Variants in ASAP1 observed in about 807,000 individuals in gnomAD.
ASAP1 encodes arf-GAP with SH3 domain, ANK repeat and PH domain-containing protein 1.
A neutral mutation model predicts 145.2 loss-of-function variants in ASAP1; 43 were observed. The ratio of observed to expected loss-of-function variants is 0.30; its 90% CI spans 0.23 to 0.38. The LOEUF is 0.38. Ranked by LOEUF, ASAP1 falls within the 10% of genes least tolerant of loss-of-function variation. The pLI is 1.00. For synonymous variants in ASAP1, 546 were observed against 515.5 expected (o/e 1.06, Z -0.80); for missense variants, 1,018 against 1,355.3 (o/e 0.75, Z 3.91).
At chr8:130,072,820 T>C (rs867877492) in intron 27 of ASAP1, among the ~76,000 whole-genome samples, 2,857 of 22,072 alleles carry the variant, frequency 0.13, 276 homozygotes, top group East Asian at 0.48. Flanking sequence ...TGTGTGTGTG[T>C]GTGTGCGCGC....
intron 17 of ASAP1, 23 bp from the exon 18 acceptor site, chr8:130,124,127 C>A (rs752852370): frequency 4.0e-6 from 6 of 1,514,978 alleles, no homozygotes; most frequent in Non-Finnish European, 5.4e-6. Flanking sequence ...AAACAAACAA[C>A]CACAATATAG....
chr8:130,220,436 TTACCCTTGATCA>T (rs905933895), intron 4 of ASAP1, among the ~76,000 whole-genome samples: 2 of 152,144 alleles, frequency 1.3e-5, no homozygotes, highest in Non-Finnish European at 2.9e-5. Flanking sequence ...ATATAAACAC[TTACCCTTGATCA>T]TACAACTCAT....
At chr8:130,215,152 G>A (rs1326886710) in intron 4 of ASAP1, among the ~76,000 whole-genome samples, 2 of 151,918 alleles carry the variant, frequency 1.3e-5, no homozygotes, top group South Asian at 2.1e-4. Flanking sequence ...CGCCCACCTC[G>A]GCCTCCAAAA....
At chr8:130,411,011 C>T (rs1829243548) in intron 1 of ASAP1, among the ~76,000 whole-genome samples, 1 of 152,204 alleles carries the variant, frequency 6.6e-6, no homozygotes, top group Non-Finnish European at 1.5e-5. Flanking sequence ...CAGGCACCCA[C>T]CACCATGTCC....
intron 2 of ASAP1, among the ~76,000 whole-genome samples, chr8:130,365,336 C>T (rs568407353): frequency 1.7e-4 from 26 of 152,304 alleles, no homozygotes; most frequent in Admixed American, 1.7e-3. Context: ...TAGTTGGGGT[C>T]CCTTGTGGGC....
At chr8:130,275,131 T>G (rs1820803642) in intron 3 of ASAP1, among the ~76,000 whole-genome samples, 1 of 152,208 alleles carries the variant, frequency 6.6e-6, no homozygotes, top group South Asian at 2.1e-4. Context: ...AAGAATGAAA[T>G]GAGAGCATAT....
intron 2 of ASAP1, among the ~76,000 whole-genome samples, chr8:130,397,964 A>G (rs567497177): frequency 6.6e-6 from 1 of 152,384 alleles, no homozygotes; most frequent in East Asian, 1.9e-4. Flanking sequence ...TTACTGGCAC[A>G]TAAGTAATAA....
intron 25 of ASAP1, among the ~76,000 whole-genome samples, chr8:130,082,358 T>C (rs1592757881): frequency 6.6e-6 from 1 of 152,072 alleles, no homozygotes; most frequent in Non-Finnish European, 1.5e-5. Context: ...GGCATTTATT[T>C]TTTTTCTTAT....
intron 9 of ASAP1, among the ~76,000 whole-genome samples, chr8:130,174,424 GTAACA>G (rs1156378215): frequency 1.3e-5 from 2 of 152,138 alleles, no homozygotes; most frequent in Admixed American, 6.5e-5. Flanking sequence ...ATAAATTACT[GTAACA>G]TAACAAGATC....
intron 28 of ASAP1, among the ~76,000 whole-genome samples, chr8:130,060,033 G>A (rs1328208886): frequency 2.2e-5 from 3 of 136,682 alleles, no homozygotes; most frequent in East Asian, 2.2e-4. Context: ...AGCTGTGATC[G>A]CACCACTGCA....
chr8:130,068,030 T>C (rs2097434072), intron 27 of ASAP1, among the ~76,000 whole-genome samples: 2 of 152,162 alleles, frequency 1.3e-5, no homozygotes, highest in African/African-American at 4.8e-5. Flanking sequence ...TCAGGAATCT[T>C]TGGATTCCTA....
chr8:130,162,592 G>A (rs2097671455), intron 11 of ASAP1, among the ~76,000 whole-genome samples: 1 of 152,102 alleles, frequency 6.6e-6, no homozygotes, highest in South Asian at 2.1e-4. Flanking sequence ...GCTGAGGCGG[G>A]TGGATCATGA....
chr8:130,436,876 G>T (rs1318666839), intron 1 of ASAP1, among the ~76,000 whole-genome samples: 1 of 152,046 alleles, frequency 6.6e-6, no homozygotes, highest in Admixed American at 6.5e-5. Flanking sequence ...GGAGGCTGAG[G>T]CAGGCGGATT....
At chr8:130,294,038 T>C (rs1384290050) in intron 3 of ASAP1, among the ~76,000 whole-genome samples, 1 of 152,156 alleles carries the variant, frequency 6.6e-6, no homozygotes, top group Non-Finnish European at 1.5e-5. Flanking sequence ...TCTTACGTAA[T>C]AGGTATTATA....
At chr8:130,256,282 T>C (rs139584636) in intron 3 of ASAP1, among the ~76,000 whole-genome samples, 1 of 152,242 alleles carries the variant, frequency 6.6e-6, no homozygotes, top group African/African-American at 2.4e-5. Flanking sequence ...AGGTTTTTTG[T>C]TTTAGGAGAA....
intron 3 of ASAP1, among the ~76,000 whole-genome samples, chr8:130,298,014 C>A (rs532465983): frequency 6.6e-6 from 1 of 152,296 alleles, no homozygotes; most frequent in African/African-American, 2.4e-5. Context: ...GGAGTCCAGG[C>A]AAATCACTTC....
chr8:130,074,556 G>A (rs2097457998), intron 27 of ASAP1, among the ~76,000 whole-genome samples: 1 of 151,778 alleles, frequency 6.6e-6, no homozygotes, highest in Non-Finnish European at 1.5e-5. Flanking sequence ...ATTGACAGTA[G>A]GCCTGCCCTG....
At chr8:130,391,072 T>G (rs1479972482) in intron 2 of ASAP1, among the ~76,000 whole-genome samples, 1 of 152,112 alleles carries the variant, frequency 6.6e-6, no homozygotes, top group Non-Finnish European at 1.5e-5. Context: ...AAATATGATA[T>G]GTACATACAA....
intron 1 of ASAP1, among the ~76,000 whole-genome samples, chr8:130,407,068 C>T (rs970773192): frequency 9.9e-5 from 15 of 152,136 alleles, no homozygotes; most frequent in African/African-American, 3.4e-4. Context: ...AATAAGAGAA[C>T]ATGATTAAAG....
Sources: allele counts gnomAD v4.1 joint callset (sites outside exome capture counted in the v4.1 genomes callset), GRCh38; gene constraint gnomAD v4.1.1; transcripts MANE v1.5; gene names NCBI Gene and HGNC (gene_info 2026-07-23, HGNC 2026-07-21).